Variants in DENND1B observed in about 807,000 individuals in gnomAD.
DENND1B encodes the protein DENN domain-containing protein 1B.
In DENND1B, 59 loss-of-function variants were observed where a neutral mutation model predicts 90.1. That is an observed-to-expected ratio of 0.65 (90% CI 0.53 to 0.81). The LOEUF (loss-of-function observed/expected upper bound fraction) is 0.81, where lower values mean the gene tolerates loss of function less well. Among genes scored for constraint, DENND1B ranks in the 40% least tolerant of loss-of-function variants. The pLI is 0.00. For synonymous variants in DENND1B, 337 were observed against 324.6 expected, an observed-to-expected ratio of 1.04 and a Z score of -0.41; for missense variants, 862 against 912.6, an observed-to-expected ratio of 0.94 and a Z score of 0.71.
At chr1:197,592,072 G>GC (rs1216910375) in intron 14 of DENND1B, among the ~76,000 whole-genome samples, 1 of 119,818 alleles carries the variant, frequency 8.3e-6, no homozygotes, top group Non-Finnish European at 1.6e-5. Flanking sequence ...TCACACCACT[G>GC]CACTCCAGGC....
chr1:197,692,273 T>A (rs1657976221), intron 3 of DENND1B, among the ~76,000 whole-genome samples: 1 of 151,866 alleles, frequency 6.6e-6, no homozygotes, highest in African/African-American at 2.4e-5. Context: ...TTTTATCCAA[T>A]TCAAAGCACC....
At chr1:197,751,491 T>G (rs371174648) in intron 2 of DENND1B, among the ~76,000 whole-genome samples, 1 of 152,056 alleles carries the variant, frequency 6.6e-6, no homozygotes, top group African/African-American at 2.4e-5. Flanking sequence ...GTTTAAAAAT[T>G]AACACTCTAA....
chr1:197,729,465 T>A (rs1661954693), intron 2 of DENND1B, among the ~76,000 whole-genome samples: 1 of 152,142 alleles, frequency 6.6e-6, no homozygotes, highest in Non-Finnish European at 1.5e-5. Context: ...AAAGGTAATA[T>A]AATAAATCAA....
At chr1:197,733,444 TC>T (rs1662334597) in intron 2 of DENND1B, among the ~76,000 whole-genome samples, 2 of 152,228 alleles carry the variant, frequency 1.3e-5, no homozygotes, top group Admixed American at 1.3e-4. Context: ...TATTTTACGG[TC>T]AGAGGTTAAA....
rs979437663 is a variant in DENND1B at position 197,528,684 on chromosome 1, C to T, written c.1515+11280G>A. 1.2e-4 allele frequency among the ~76,000 whole-genome samples: 18 copies of T among 151,926 alleles called. No individual in the cohort carries two copies. In the East Asian group the frequency reaches 2.9e-3, roughly 24 times the overall value. ...GACCATCCCGGCTAAAACGGTGAAA[C>T]CCCGTCTCTACTAAAAATACAAAAA... On this transcript the variant is annotated intron_variant, in intron 20 of 22. Coordinates refer to ENST00000620048, the MANE Select transcript of DENND1B (RefSeq NM_001195215.2).
At chr1:197,661,774 T>A (rs1406995515) in intron 5 of DENND1B, among the ~76,000 whole-genome samples, 1 of 152,032 alleles carries the variant, frequency 6.6e-6, no homozygotes, top group African/African-American at 2.4e-5. Flanking sequence ...AATGTTCTGG[T>A]TTTCTGAACT....
intron 5 of DENND1B, among the ~76,000 whole-genome samples, chr1:197,662,255 T>A (rs1253637194): frequency 6.6e-6 from 1 of 152,006 alleles, no homozygotes; most frequent in Non-Finnish European, 1.5e-5. Flanking sequence ...CATCTAGGGG[T>A]TGAGAGCAGA....
intron 3 of DENND1B, among the ~76,000 whole-genome samples, chr1:197,700,750 A>C (rs762995909): frequency 6.6e-5 from 10 of 152,152 alleles, no homozygotes; most frequent in Non-Finnish European, 1.3e-4. Flanking sequence ...TTACAAGAAA[A>C]AACAACCCCA....
At chr1:197,653,857 C>A (rs2125940252) in intron 6 of DENND1B, among the ~76,000 whole-genome samples, 1 of 152,042 alleles carries the variant, frequency 6.6e-6, no homozygotes, top group Admixed American at 6.5e-5. Flanking sequence ...ATGTGAATTC[C>A]ACATGTACAT....
At chr1:197,780,097 T>C (rs1657389992), upstream of DENND1B, among the ~76,000 whole-genome samples, 1 of 152,186 alleles carries the variant, frequency 6.6e-6, no homozygotes. Context: ...GAGACCTGGT[T>C]TGTAGCTATG....
At chr1:197,552,181 T>C (rs1178297689) in intron 16 of DENND1B, 1 of 971,244 alleles carries the variant, frequency 1.0e-6, no homozygotes, top group South Asian at 4.8e-5. Context: ...GAAGTTTTTT[T>C]TCCTCAAAAC....
In DENND1B at chr1:197,510,139, G is replaced by C. The variant is rs1667919305; in HGVS notation, c.*321C>G. ...AACCAGATTAGTATAGTAGCTACTG[G>C]TTATGTGCATGGGTTACATATGCAT... On this transcript the variant is annotated 3_prime_UTR_variant, in exon 23 of 23. Coordinates refer to ENST00000620048, the MANE Select transcript of DENND1B (RefSeq NM_001195215.2). 3.7e-6 allele frequency: 1 copy of C among 268,218 alleles called. No individual in the cohort carries two copies. The highest frequency in any genetic ancestry group is 2.3e-5 in the African/African-American group (1 of 44,246). 16.6% of individuals were successfully genotyped at this position (268,218 alleles called of 1,614,324 possible).
chr1:197,562,938 C>T (rs895531031), intron 15 of DENND1B, among the ~76,000 whole-genome samples: 5 of 151,972 alleles, frequency 3.3e-5, no homozygotes, highest in South Asian at 2.1e-4. Flanking sequence ...AAAAGTCAAA[C>T]GAGCCATGAC....
At chr1:197,649,673 A>G (rs1267216818) in intron 7 of DENND1B, among the ~76,000 whole-genome samples, 1 of 152,184 alleles carries the variant, frequency 6.6e-6, no homozygotes, top group Non-Finnish European at 1.5e-5. Flanking sequence ...CACATGTAGG[A>G]GAATGAAACT....
chr1:197,569,936 G>T (rs539187184), intron 15 of DENND1B, among the ~76,000 whole-genome samples: 1 of 151,712 alleles, frequency 6.6e-6, no homozygotes, highest in Non-Finnish European at 1.5e-5. Flanking sequence ...AAACGTTCTC[G>T]CCACAAAAAA....
chr1:197,651,185 G>T (rs1232964071), intron 7 of DENND1B, among the ~76,000 whole-genome samples: 1 of 151,332 alleles, frequency 6.6e-6, no homozygotes, highest in African/African-American at 2.4e-5. Context: ...TTCTTTATTA[G>T]GAAAAGTTTA....
intron 3 of DENND1B, among the ~76,000 whole-genome samples, chr1:197,697,439 T>TCACA (rs1252460988): frequency 1.3e-5 from 2 of 151,770 alleles, no homozygotes; most frequent in African/African-American, 4.8e-5. Flanking sequence ...CAATAGGGTA[T>TCACA]CACACTCAAT....
At chr1:197,687,902 A>G (rs748497932) in intron 3 of DENND1B, among the ~76,000 whole-genome samples, 2 of 152,130 alleles carry the variant, frequency 1.3e-5, no homozygotes, top group Non-Finnish European at 2.9e-5. Context: ...ACATGACCTT[A>G]TATGTAGAAA....
intron 14 of DENND1B, among the ~76,000 whole-genome samples, chr1:197,584,695 A>C (rs1674541247): frequency 6.6e-6 from 1 of 152,068 alleles, no homozygotes; most frequent in Non-Finnish European, 1.5e-5. Context: ...GGGGTTGGGG[A>C]GGGTGTCATT....
Sources: gnomAD v4.1 joint callset for allele counts (sites outside exome capture counted in the v4.1 genomes callset) on GRCh38, gnomAD v4.1.1 for gene constraint, MANE v1.5 for transcripts, NCBI Gene and HGNC (gene_info 2026-07-23, HGNC 2026-07-21) for gene names.